Variants in LYPD6B observed in about 807,000 individuals in gnomAD.
The protein encoded by LYPD6B is ly6/PLAUR domain-containing protein 6B.
Under a neutral mutation model 22.8 loss-of-function variants are expected in LYPD6B, and 17 were observed. The ratio of observed to expected loss-of-function variants is 0.75; its 90% CI spans 0.51 to 1.12. LYPD6B has a LOEUF of 1.12. Among genes scored for constraint, LYPD6B ranks in the 50% most tolerant of loss-of-function variants. LYPD6B has a pLI of 0.00. For synonymous variants in LYPD6B, 106 were observed against 91.6 expected, an observed-to-expected ratio of 1.16 and a Z score of -0.90; for missense variants, 221 against 258.3, an observed-to-expected ratio of 0.86 and a Z score of 0.99.
chr2:149,063,906 A>G (rs1271124822), intron 1 of LYPD6B, among the ~76,000 whole-genome samples: 1 of 152,236 alleles, frequency 6.6e-6, no homozygotes, highest in African/African-American at 2.4e-5. Flanking sequence ...AAAGACTGGG[A>G]CAATTCACAG....
chr2:149,108,127 A>G (rs9798325), intron 1 of LYPD6B, among the ~76,000 whole-genome samples: 105,007 of 151,982 alleles, frequency 0.69, 36,574 homozygotes, highest in East Asian at 0.93. Context: ...TAAGTCTCAC[A>G]AGATCTGATG....
At chr2:149,136,090 C>T (rs1559023354) in intron 2 of LYPD6B, among the ~76,000 whole-genome samples, 2 of 152,014 alleles carry the variant, frequency 1.3e-5, no homozygotes, top group African/African-American at 2.4e-5. Flanking sequence ...AATAGCGGCT[C>T]CATATATGTT....
intron 1 of LYPD6B, among the ~76,000 whole-genome samples, chr2:149,091,402 G>A (rs1010610916): frequency 6.6e-6 from 1 of 151,084 alleles, no homozygotes; most frequent in Non-Finnish European, 1.5e-5. Flanking sequence ...TATATAAAGA[G>A]TGAAGATTTG....
chr2:149,162,947 G>A (rs145841269), intron 3 of LYPD6B, among the ~76,000 whole-genome samples: 10 of 152,182 alleles, frequency 6.6e-5, no homozygotes, highest in Non-Finnish European at 1.0e-4. Flanking sequence ...CTCACCATAT[G>A]TGATAGCTAA....
chr2:149,167,186 T>G (rs936600441), intron 3 of LYPD6B, among the ~76,000 whole-genome samples: 1 of 152,226 alleles, frequency 6.6e-6, no homozygotes, highest in Admixed American at 6.5e-5. Context: ...GCTGGTTCTC[T>G]CTCCAAACAG....
At chr2:149,096,330 G>T (rs1473317945) in intron 1 of LYPD6B, among the ~76,000 whole-genome samples, 1 of 152,172 alleles carries the variant, frequency 6.6e-6, no homozygotes, top group East Asian at 1.9e-4. Context: ...GGTCTGAGGA[G>T]GTCATGTGTT....
In LYPD6B at chr2:149,214,806, T is replaced by TCTTCACCAAGTGCAAGA; in HGVS notation, c.*96_*97insCTTCACCAAGTGCAAGA. ...TTTGGAGTGAAGATCAATCTTGCAC[T>TCTTCACCAAGTGCAAGA]TGGTGAAGAGTGCACATTGGACCTC... On this transcript the variant is annotated 3_prime_UTR_variant, in exon 7 of 7. Coordinates refer to ENST00000409642, the MANE Select transcript of LYPD6B (RefSeq NM_177964.5). 1 of 1,349,106 alleles carries TCTTCACCAAGTGCAAGA rather than the reference T, an allele frequency of 7.4e-7. No homozygotes were observed. Among genetic ancestry groups the TCTTCACCAAGTGCAAGA allele is most frequent in the Non-Finnish European group, 1.1e-6 (1 of 951,402 alleles). The allele number at this position is 1,349,106 out of a possible 1,614,324, so 83.6% of individuals were successfully genotyped here.
chr2:149,097,104 G>C (rs964537778), intron 1 of LYPD6B, among the ~76,000 whole-genome samples: 1 of 152,230 alleles, frequency 6.6e-6, no homozygotes. Flanking sequence ...TGCATTATTA[G>C]AGAAGTGGAT....
At chr2:149,079,924 G>T (rs1685047693) in intron 1 of LYPD6B, among the ~76,000 whole-genome samples, 1 of 152,134 alleles carries the variant, frequency 6.6e-6, no homozygotes, top group African/African-American at 2.4e-5. Context: ...ATTCTAAACT[G>T]GGTGGCTTTG....
At chr2:149,213,145 A>T (rs1162862985) in intron 6 of LYPD6B, 23 bp downstream of exon 6, 1 of 1,567,114 alleles carries the variant, frequency 6.4e-7, no homozygotes, top group Non-Finnish European at 8.7e-7. Flanking sequence ...TGTGTGTGTT[A>T]TTGTCTAAAC....
At chr2:149,121,009 C>A (rs1687321124) in intron 1 of LYPD6B, among the ~76,000 whole-genome samples, 1 of 151,944 alleles carries the variant, frequency 6.6e-6, no homozygotes, top group Admixed American at 6.6e-5. Context: ...CCAGGCTGGT[C>A]TCAAACTCCT....
rs1472091010 is a variant in LYPD6B, at chr2:149,118,136, C to T, written c.-66-12747C>T. On this transcript the variant is annotated intron_variant, in intron 1 of 6. Coordinates refer to ENST00000409642, the MANE Select transcript of LYPD6B (RefSeq NM_177964.5). ...TCAAAGTTCCAGTCATCATTTCCAC[C>T]TCATTCTATTGGCTGCATAAGAGAC... 2.0e-5 allele frequency: 3 copies of T among 152,298 alleles called. No homozygotes were observed. The East Asian group carries it at 5.8e-4, about 29-fold the overall frequency. 9.4% of individuals were successfully genotyped at this position (152,298 alleles called of 1,614,324 possible).
At chr2:149,212,339 G>A (rs1187050419) in intron 5 of LYPD6B, among the ~76,000 whole-genome samples, 2 of 113,644 alleles carry the variant, frequency 1.8e-5, no homozygotes, top group African/African-American at 6.7e-5. Context: ...CCGAGATCAC[G>A]CCACTGCACT....
chr2:149,082,301 G>A (rs1381565348), intron 1 of LYPD6B, among the ~76,000 whole-genome samples: 1 of 152,172 alleles, frequency 6.6e-6, no homozygotes, highest in Non-Finnish European at 1.5e-5. Context: ...AGGAACAGCT[G>A]GATTAGGTCA....
At chr2:149,041,622 G>T (rs1683093672) in intron 1 of LYPD6B, among the ~76,000 whole-genome samples, 1 of 152,154 alleles carries the variant, frequency 6.6e-6, no homozygotes, top group South Asian at 2.1e-4. Flanking sequence ...TGGGCTGTTA[G>T]GTAGGCAACA....
chr2:149,189,366 A>ATATATATATATATATATG (rs1247667067), intron 3 of LYPD6B, among the ~76,000 whole-genome samples: 1 of 85,602 alleles, frequency 1.2e-5, no homozygotes, highest in African/African-American at 3.6e-5. Flanking sequence ...ATATATATAT[A>ATATATATATATATATATG]TACACACACA....
chr2:149,169,320 A>T (rs1205859319), intron 3 of LYPD6B, among the ~76,000 whole-genome samples: 2 of 152,116 alleles, frequency 1.3e-5, no homozygotes, highest in Non-Finnish European at 2.9e-5. Context: ...TAATTAACTA[A>T]ACCTACTAAA....
intron 1 of LYPD6B, among the ~76,000 whole-genome samples, chr2:149,083,552 C>T (rs914323031): frequency 1.3e-4 from 20 of 152,214 alleles, no homozygotes; most frequent in African/African-American, 4.6e-4. Flanking sequence ...TAAAGAACGC[C>T]CCACATTATG....
chr2:149,128,047 C>G (rs576625597), intron 1 of LYPD6B, among the ~76,000 whole-genome samples: 9 of 151,798 alleles, frequency 5.9e-5, no homozygotes, highest in Non-Finnish European at 1.3e-4. Flanking sequence ...TTATTCAACT[C>G]GTTTAAAAGA....
Sources: allele counts gnomAD v4.1 joint callset (sites outside exome capture counted in the v4.1 genomes callset), GRCh38; gene constraint gnomAD v4.1.1; transcripts MANE v1.5; gene names NCBI Gene and HGNC (gene_info 2026-07-23, HGNC 2026-07-21).